Variants in TJP1 observed in about 807,000 individuals in gnomAD.
TJP1 encodes tight junction protein 1, also known as tight junction protein ZO-1.
Under a neutral mutation model 194.2 loss-of-function variants are expected in TJP1, and 43 were observed. The ratio of observed to expected loss-of-function variants is 0.22; its 90% CI spans 0.17 to 0.29. The LOEUF is 0.29. Among genes scored for constraint, TJP1 ranks in the 10% least tolerant of loss-of-function variants. The probability of loss-of-function intolerance (pLI) is 1.00; values close to 1 mark genes in which losing one functional copy is unlikely to be tolerated. For missense variants in TJP1, 1,971 were observed against 2,185.7 expected, an observed-to-expected ratio of 0.90 and a Z score of 1.96; for synonymous variants, 801 against 779.0, an observed-to-expected ratio of 1.03 and a Z score of -0.47.
At chr15:29,922,771 TAAAC>T (rs749917605) in intron 2 of TJP1, among the ~76,000 whole-genome samples, 4 of 152,052 alleles carry the variant, frequency 2.6e-5, no homozygotes, top group Non-Finnish European at 5.9e-5. Flanking sequence ...AATGGGATAA[TAAAC>T]AGGTTAACAG....
Position 29,945,709 on chromosome 15 carries a change from G to A in TJP1, c.306+10523C>T, listed in dbSNP as rs576150391. Among the ~76,000 whole-genome samples the A allele has an allele frequency of 2.0e-3, 302 of 152,158 alleles. 3 individuals are homozygous for A. Among genetic ancestry groups the A allele is most frequent in the Middle Eastern group, 0.017 (5 of 294 alleles). On this transcript the variant is annotated intron_variant, in intron 2 of 28. Coordinates refer to the TJP1 transcript ENST00000356107. ...TCACTACTGGAACACAGAAAGGGAG[G>A]AAAGCTAGAAAGAACTATGAGGCAA...
In TJP1 at chr15:29,701,474, A is replaced by G. The variant is rs2041536270; in HGVS notation, c.*121T>C. On this transcript the variant is annotated 3_prime_UTR_variant, in exon 28 of 28. Transcript: ENST00000614355. The stretch of plus-strand genomic sequence containing the variant: ...CACTCATCTTTATCAGTTCAAACAA[A>G]TGCCTCATACTAACAAACTGTAGTA... 6.6e-6 allele frequency: 5 copies of G among 754,918 alleles called. No individual in the cohort carries two copies. The highest frequency in any genetic ancestry group is 3.5e-5 in the African/African-American group (2 of 56,926). 46.8% of individuals were successfully genotyped at this position (754,918 alleles called of 1,614,324 possible).
At chr15:29,812,555 A>G (rs1465605645) in intron 1 of TJP1, among the ~76,000 whole-genome samples, 8 of 152,136 alleles carry the variant, frequency 5.3e-5, no homozygotes, top group Non-Finnish European at 1.0e-4. Flanking sequence ...TTCATGATTC[A>G]TGCTGCTTTT....
chr15:29,949,355 T>TCCA (rs1295643642), intron 2 of TJP1, among the ~76,000 whole-genome samples: 2 of 70,854 alleles, frequency 2.8e-5, no homozygotes, highest in Non-Finnish European at 6.4e-5. Context: ...CACCACCACC[T>TCCA]CCACCACAAC....
At chr15:29,732,589 G>A in intron 14 of TJP1, 42 bp downstream of exon 14, 9 of 1,611,608 alleles carry the variant, frequency 5.6e-6, no homozygotes, top group Non-Finnish European at 7.6e-6. Flanking sequence ...TAAACATATT[G>A]ACGTTAAAGG....
intron 1 of TJP1, 148 bp downstream of exon 1, chr15:29,821,850 CGCGG>C (rs2050388743): frequency 1.3e-6 from 1 of 780,166 alleles, no homozygotes; most frequent in Admixed American, 6.5e-5. Context: ...GCCCGCGGCC[CGCGG>C]CCCGCGGCCC....
intron 21 of TJP1, 41 bp downstream of exon 21, chr15:29,718,225 A>G (rs370390686): frequency 2.4e-5 from 38 of 1,597,870 alleles, no homozygotes; most frequent in Non-Finnish European, 3.2e-5. Context: ...AGCCTTTTAA[A>G]CGGTGTGCCC....
intron 1 of TJP1, among the ~76,000 whole-genome samples, chr15:29,962,701 A>G (rs985573255): frequency 5.3e-5 from 8 of 152,250 alleles, no homozygotes; most frequent in Non-Finnish European, 1.0e-4. Flanking sequence ...AGGACACTTC[A>G]GGAAAAGCTA....
intron 2 of TJP1, among the ~76,000 whole-genome samples, chr15:29,954,425 T>C (rs1430447577): frequency 2.6e-5 from 4 of 152,308 alleles, no homozygotes; most frequent in East Asian, 3.9e-4. Flanking sequence ...TTTTGCACAA[T>C]AGAAAAAAAG....
chr15:29,707,866 T>C (rs2041995714), intron 25 of TJP1, among the ~76,000 whole-genome samples: 1 of 152,160 alleles, frequency 6.6e-6, no homozygotes, highest in South Asian at 2.1e-4. Flanking sequence ...ACCTTACCAG[T>C]AGGTCAGGAG....
At chr15:29,752,252 G>A (rs538091646) in intron 8 of TJP1, among the ~76,000 whole-genome samples, 3 of 152,078 alleles carry the variant, frequency 2.0e-5, no homozygotes, top group East Asian at 1.9e-4. Context: ...ATAGGCACAC[G>A]CCACCACGCC....
rs201037939 is a variant in TJP1 at position 29,848,680 on chromosome 15, GA to G, written c.307-47979del. ...ATTGAGACCATCTGGCCAACATGGT[GA>G]AACCCCATCTCTACTAAAAATACAA... On this transcript the variant is annotated intron_variant, in intron 2 of 28. Transcript: ENST00000356107. Among the ~76,000 whole-genome samples, 1,440 of 151,980 alleles carry G rather than the reference GA, an allele frequency of 9.5e-3. 31 individuals carry two copies. The highest frequency in any genetic ancestry group is 0.033 in the African/African-American group (1,388 of 41,438).
intron 18 of TJP1, among the ~76,000 whole-genome samples, chr15:29,725,070 T>C (rs549580689): frequency 3.9e-5 from 6 of 152,232 alleles, no homozygotes; most frequent in African/African-American, 1.4e-4. Flanking sequence ...AGAATTGTGT[T>C]GCTATAGAAG....
intron 2 of TJP1, among the ~76,000 whole-genome samples, chr15:29,949,447 C>A (rs2055472704): frequency 8.0e-6 from 1 of 125,160 alleles, no homozygotes. Flanking sequence ...CCACCTCCAC[C>A]TTCACCACCA....
At chr15:29,806,563 G>A (rs1178365661) in intron 1 of TJP1, among the ~76,000 whole-genome samples, 2 of 152,090 alleles carry the variant, frequency 1.3e-5, no homozygotes, top group South Asian at 4.1e-4. Context: ...TACACTGAAC[G>A]GCTTCTCATT....
At chr15:29,756,626 CAT>C (rs1402521011) in intron 8 of TJP1, among the ~76,000 whole-genome samples, 1 of 152,112 alleles carries the variant, frequency 6.6e-6, no homozygotes, top group Non-Finnish European at 1.5e-5. Context: ...GAATTCTCTC[CAT>C]ATGTTTGCTC....
intron 2 of TJP1, among the ~76,000 whole-genome samples, chr15:29,849,983 C>T (rs2051579048): frequency 6.6e-6 from 1 of 152,096 alleles, no homozygotes; most frequent in East Asian, 1.9e-4. Flanking sequence ...GGATCACTCG[C>T]TCTGGGGAAA....
At chr15:29,765,212 C>T (rs1171011749) in intron 5 of TJP1, among the ~76,000 whole-genome samples, 4 of 151,962 alleles carry the variant, frequency 2.6e-5, no homozygotes, top group Admixed American at 1.3e-4. Flanking sequence ...GGGGGCAGAG[C>T]GGAAAAGATA....
chr15:29,945,467 G>A (rs1284386398), intron 2 of TJP1, among the ~76,000 whole-genome samples: 1 of 152,166 alleles, frequency 6.6e-6, no homozygotes, highest in East Asian at 1.9e-4. Flanking sequence ...TTCCATTTGA[G>A]ATAAGAGCTC....
Sources: gnomAD v4.1 joint callset for allele counts (sites outside exome capture counted in the v4.1 genomes callset) on GRCh38, gnomAD v4.1.1 for gene constraint, MANE v1.5 for transcripts, NCBI Gene and HGNC (gene_info 2026-07-23, HGNC 2026-07-21) for gene names.